CNTN5: variants seen among roughly 807,000 people sequenced by gnomAD.
CNTN5 encodes contactin 5.
Under a neutral mutation model 129.1 loss-of-function variants are expected in CNTN5, and 77 were observed. The observed-to-expected ratio is 0.60, with a 90% CI of 0.50 to 0.72. CNTN5 has a LOEUF of 0.72. Ranked by LOEUF, CNTN5 falls within the 30% of genes least tolerant of loss-of-function variation. The pLI is 0.00. For missense variants in CNTN5, 1,478 were observed against 1,328.8 expected, an observed-to-expected ratio of 1.11 and a Z score of -1.75; for synonymous variants, 509 against 465.6, an observed-to-expected ratio of 1.09 and a Z score of -1.20.
intron 2 of CNTN5, among the ~76,000 whole-genome samples, chr11:99,477,829 A>C (rs1418648102): frequency 6.6e-6 from 1 of 151,984 alleles, no homozygotes. Flanking sequence ...AATAAAAAGA[A>C]GCTGAATATT....
rs1865744320 is a variant in CNTN5, at chr11:99,325,494, A to C, written c.-71+10A>C. The C allele has an allele frequency of 1.3e-5, 2 of 152,166 alleles. No homozygotes were observed. Among genetic ancestry groups the C allele is most frequent in the African/African-American group, 4.8e-5 (2 of 41,440 alleles). The allele number at this position is 152,166 out of a possible 1,614,324, so 9.4% of individuals were successfully genotyped here. A position where few individuals can be genotyped will look rare whatever the true frequency, so the allele number is the denominator to read the frequency against. On this transcript the variant is annotated intron_variant, in intron 2 of 24. Transcript: ENST00000524871. ...TGTTTTCAGAAAGCAGGTATGGTTC[A>C]TCTTTATTAAACTGCCTATAAAATT...
chr11:100,132,188 T>C (rs1210640873), intron 13 of CNTN5, among the ~76,000 whole-genome samples: 4 of 152,112 alleles, frequency 2.6e-5, no homozygotes, highest in African/African-American at 9.7e-5. Context: ...TGAGAACTCT[T>C]TGAGGGCCAA....
chr11:99,781,827 C>G (rs1393617622), intron 3 of CNTN5, among the ~76,000 whole-genome samples: 3 of 152,020 alleles, frequency 2.0e-5, no homozygotes, highest in Non-Finnish European at 4.4e-5. Context: ...GGACGTATCT[C>G]AAAATAATAA....
chr11:99,833,397 C>T (rs1947206823), intron 4 of CNTN5, among the ~76,000 whole-genome samples: 1 of 152,026 alleles, frequency 6.6e-6, no homozygotes. Flanking sequence ...TCAGTAGAAA[C>T]CATACTCTGA....
At chr11:99,089,588 C>T (rs181607070) in intron 1 of CNTN5, among the ~76,000 whole-genome samples, 35 of 152,200 alleles carry the variant, frequency 2.3e-4, no homozygotes, top group Non-Finnish European at 3.7e-4. Flanking sequence ...TACTGTATAT[C>T]GTTGCTGAAG....
intron 21 of CNTN5, among the ~76,000 whole-genome samples, chr11:100,310,658 T>C (rs1951452472): frequency 6.6e-6 from 1 of 151,618 alleles, no homozygotes; most frequent in South Asian, 2.1e-4. Context: ...ACAATTTCAG[T>C]TGATGATACA....
At chr11:99,581,926 G>T (rs1180450605) in intron 3 of CNTN5, among the ~76,000 whole-genome samples, 6 of 152,036 alleles carry the variant, frequency 3.9e-5, no homozygotes, top group Admixed American at 3.9e-4. Context: ...AGCCTTGATG[G>T]TCTTTACAAT....
intron 3 of CNTN5, among the ~76,000 whole-genome samples, chr11:99,759,372 T>C (rs1944503097): frequency 6.6e-6 from 1 of 152,130 alleles, no homozygotes; most frequent in South Asian, 2.1e-4. Context: ...CCTCATGAGT[T>C]CATCATTTAA....
chr11:99,528,383 A>G (rs1273613325), intron 2 of CNTN5, among the ~76,000 whole-genome samples: 2 of 152,218 alleles, frequency 1.3e-5, no homozygotes, highest in African/African-American at 2.4e-5. Flanking sequence ...ATACAGAAAT[A>G]CATCTAAAAG....
chr11:99,414,916 T>G (rs1942577954), intron 2 of CNTN5, among the ~76,000 whole-genome samples: 1 of 152,226 alleles, frequency 6.6e-6, no homozygotes, highest in Admixed American at 6.6e-5. Flanking sequence ...TAGAATTTTC[T>G]GTGCTTTTTA....
intron 8 of CNTN5, among the ~76,000 whole-genome samples, chr11:99,984,268 C>T (rs762930933): frequency 2.0e-5 from 3 of 146,698 alleles, no homozygotes; most frequent in Non-Finnish European, 4.5e-5. Flanking sequence ...CAGCTAGACT[C>T]CATCACAAAA....
At chr11:99,597,841 G>A (rs986497958) in intron 3 of CNTN5, among the ~76,000 whole-genome samples, 1 of 151,982 alleles carries the variant, frequency 6.6e-6, no homozygotes, top group South Asian at 2.1e-4. Flanking sequence ...TTTCACTTCT[G>A]GATGCCTTCT....
intron 3 of CNTN5, among the ~76,000 whole-genome samples, chr11:99,773,693 C>T (rs147396480): frequency 6.6e-6 from 1 of 152,076 alleles, no homozygotes; most frequent in East Asian, 1.9e-4. Context: ...TATTTCTCAT[C>T]AATATTAATG....
At chr11:99,776,523 A>G (rs1945130858) in intron 3 of CNTN5, among the ~76,000 whole-genome samples, 1 of 151,828 alleles carries the variant, frequency 6.6e-6, no homozygotes, top group Non-Finnish European at 1.5e-5. Flanking sequence ...CTTAAAATAT[A>G]TATATTGAAA....
intron 11 of CNTN5, among the ~76,000 whole-genome samples, chr11:100,070,967 G>A (rs529508023): frequency 6.6e-6 from 1 of 151,540 alleles, no homozygotes; most frequent in Non-Finnish European, 1.5e-5. Context: ...TTCGTTGATA[G>A]ACAAAGCACT....
At chr11:100,320,931 C>T (rs991355981) in intron 21 of CNTN5, among the ~76,000 whole-genome samples, 3 of 152,096 alleles carry the variant, frequency 2.0e-5, no homozygotes, top group African/African-American at 7.2e-5. Context: ...TGTTTTTATA[C>T]CAATAGCATG....
At chr11:99,315,509 T>C (rs1452416910) in intron 1 of CNTN5, among the ~76,000 whole-genome samples, 1 of 149,646 alleles carries the variant, frequency 6.7e-6, no homozygotes, top group Non-Finnish European at 1.5e-5. Flanking sequence ...CACCTACTTC[T>C]GAGTCATCAA....
chr11:100,138,941 G>A (rs1946609494), intron 13 of CNTN5, among the ~76,000 whole-genome samples: 1 of 152,128 alleles, frequency 6.6e-6, no homozygotes, highest in South Asian at 2.1e-4. Flanking sequence ...TATTTGGAAG[G>A]TAGAAATGAC....
intron 1 of CNTN5, among the ~76,000 whole-genome samples, chr11:99,186,165 A>G (rs1202362837): frequency 6.6e-6 from 1 of 151,948 alleles, no homozygotes; most frequent in Non-Finnish European, 1.5e-5. Context: ...TATGTGTCCT[A>G]TGAAGCAAAA....
Sources: allele counts gnomAD v4.1 joint callset (sites outside exome capture counted in the v4.1 genomes callset), GRCh38; gene constraint gnomAD v4.1.1; transcripts MANE v1.5; gene names NCBI Gene and HGNC (gene_info 2026-07-23, HGNC 2026-07-21).